The following FOXP3 variants were observed in gnomAD, a reference collection of about 807,000 sequenced individuals.
The protein encoded by FOXP3 is forkhead box protein P3.
A neutral mutation model predicts 31.2 loss-of-function variants in FOXP3; 5 were observed. That is an observed-to-expected ratio of 0.16 (90% CI 0.08 to 0.34). The LOEUF (loss-of-function observed/expected upper bound fraction) is 0.34, where lower values mean the gene tolerates loss of function less well. FOXP3 is among the 10% of genes least tolerant of loss of function. The pLI is 1.00. For missense variants in FOXP3, 251 were observed against 363.0 expected (o/e 0.69, Z 2.51); for synonymous variants, 141 against 148.8 (o/e 0.95, Z 0.38).
rs370358803 is a variant in FOXP3 at position 49,256,946 on chromosome X, G to C, written c.521C>G (p.Pro174Arg). ...TGACCTGTCCTTCCTGGGTGCACTG[G>C]GATTTGGGAAGGTGCAGAGCAGTGC... is the stretch of plus-strand genomic sequence containing the variant. ...EPALLCTFPNPSAPRKDSTLS... is the reference protein window; with the variant it reads ...EPALLCTFPNRSAPRKDSTLS... Residue 174 changes from proline (P) to arginine (R), a missense_variant, in exon 5 of 12, where the codon CCC (proline) becomes CGC (arginine). By Grantham distance (103) the Pro-to-Arg change is moderately radical (BLOSUM62 -2). Coordinates refer to ENST00000376207, the MANE Select transcript of FOXP3 (RefSeq NM_014009.4). 6.6e-6 allele frequency: 8 copies of C among 1,210,293 alleles called. No individual in the cohort carries two copies. The African/African-American group carries it at 1.2e-4, about 18-fold the overall frequency.
intron 10 of FOXP3, 179 bp from the exon 11 acceptor site, chrX:49,251,944 T>G (rs2066035647): frequency 1.3e-6 from 1 of 742,427 alleles, no homozygotes; most frequent in African/African-American, 2.4e-5. Context: ...GGGTGAAGTG[T>G]CGGGTTGGGC....
intron 1 of FOXP3, among the ~76,000 whole-genome samples, chrX:49,262,046 T>C (rs1458940073): frequency 1.8e-5 from 2 of 111,800 alleles, no homozygotes; most frequent in Non-Finnish European, 3.8e-5. Flanking sequence ...TAGGGATACA[T>C]AGAGACAAAG....
intron 1 of FOXP3, among the ~76,000 whole-genome samples, chrX:49,262,751 T>TA (rs1798558737): frequency 8.9e-6 from 1 of 111,782 alleles, no homozygotes; most frequent in Non-Finnish European, 1.9e-5. Flanking sequence ...AGTGCCTGGC[T>TA]AAAAATCACA....
chrX:49,252,682 G>A (rs1251036698), intron 10 of FOXP3, among the ~76,000 whole-genome samples: 1 of 109,458 alleles, frequency 9.1e-6, no homozygotes, highest in Non-Finnish European at 1.9e-5. Context: ...CCCAGTTGGG[G>A]GTGTATTGAC....
chrX:49,258,450 G>C lies in FOXP3; in HGVS notation c.56C>G (p.Ser19Cys). Residue 19 changes from serine (S) to cysteine (C), a missense_variant, in exon 2 of 12, where the codon TCC becomes TGC. Physicochemically the swap from Ser to Cys is moderately radical, Grantham distance 112. Coordinates refer to ENST00000376207, the MANE Select transcript of FOXP3 (RefSeq NM_014009.4). Reference sequence around the variant, plus strand: ...CCTCCAGCTGGGCGAGGCTCCTGGGGATGGGCCAAGGGCCAAGGAAGGGGC... The same window carrying C: ...CCTCCAGCTGGGCGAGGCTCCTGGGCATGGGCCAAGGGCCAAGGAAGGGGC... ...PSAPSLALGPSPGASPSWRAA... is the reference protein window; with the variant it reads ...PSAPSLALGPCPGASPSWRAA... The C allele has an allele frequency of 8.4e-7, 1 of 1,190,452 alleles. No homozygotes were observed. Among genetic ancestry groups the C allele is most frequent in the East Asian group, 3.0e-5 (1 of 33,020 alleles).
In FOXP3 at chrX:49,254,241, T is replaced by C. The variant is rs189445442; in HGVS notation, c.817-174A>G. 1.2e-3 allele frequency among the ~76,000 whole-genome samples: 134 copies of C among 111,812 alleles called. 1 individual carries two copies. The highest frequency in any genetic ancestry group is 4.0e-3 in the African/African-American group (123 of 30,773). On this transcript the variant is annotated intron_variant, in intron 8 of 11. Coordinates refer to ENST00000376207, the MANE Select transcript of FOXP3 (RefSeq NM_014009.4). ...CCACCTCCCAGATTCAAGCAAGTCT[T>C]CTGCCTCAGCCTCCCGAGTAGCTGG...
In FOXP3 at chrX:49,250,551, G is replaced by C; in HGVS notation, c.*783C>G. On this transcript the variant is annotated 3_prime_UTR_variant, in exon 12 of 12. Transcript: ENST00000376207. Reference sequence around the variant, plus strand: ...AGCTGAGGCATGGATCAGGGCTCAGGGAATGGGAGTGAGGTGAGTGGCAGG... The same window carrying C: ...AGCTGAGGCATGGATCAGGGCTCAGCGAATGGGAGTGAGGTGAGTGGCAGG... 2.3e-6 allele frequency: 1 copy of C among 430,049 alleles called. No individual in the cohort carries two copies. Among genetic ancestry groups the C allele is most frequent in the Non-Finnish European group, 4.3e-6 (1 of 234,671 alleles). 35.4% of individuals were successfully genotyped at this position (430,049 alleles called of 1,213,427 possible). A position where few individuals can be genotyped will look rare whatever the true frequency, so the allele number is the denominator to read the frequency against.
chrX:49,251,267 C>CCCCACCACCTCTGCCT lies in FOXP3; in HGVS notation c.*51_*66dup. 18 of 1,148,167 alleles carry CCCCACCACCTCTGCCT rather than the reference C, an allele frequency of 1.6e-5. No individual in the cohort carries two copies. Among genetic ancestry groups the CCCCACCACCTCTGCCT allele is most frequent in the Non-Finnish European group, 2.1e-5 (18 of 848,367 alleles). The allele number at this position is 1,148,167 out of a possible 1,213,427, so 94.6% of individuals were successfully genotyped here. On this transcript the variant is annotated 3_prime_UTR_variant, in exon 12 of 12. Coordinates refer to ENST00000376207, the MANE Select transcript of FOXP3 (RefSeq NM_014009.4). Reference sequence around the variant, plus strand: ...CACATCCAGGGCCTATCATCCCTGCCCCCACCACCTCTGCCTCCCACCAGT... The same window carrying CCCCACCACCTCTGCCT: ...CACATCCAGGGCCTATCATCCCTGCCCCCACCACCTCTGCCTCCCACCACCTCTGCCTCCCACCAGT...
intron 9 of FOXP3, 128 bp downstream of exon 9, chrX:49,253,788 CT>C (rs2066049254): frequency 1.2e-6 from 1 of 843,821 alleles, no homozygotes; most frequent in African/African-American, 2.0e-5. Context: ...TTCCCAAAGG[CT>C]GAGTGGCGGC....
chrX:49,252,914 ATGG>A (rs2066043025), intron 10 of FOXP3, among the ~76,000 whole-genome samples: 1 of 109,500 alleles, frequency 9.1e-6, no homozygotes, highest in South Asian at 4.0e-4. Context: ...TCTGGCCTGG[ATGG>A]TGGTTTAGGT....
chrX:49,256,224 G>GAA (rs1311837399), intron 6 of FOXP3, among the ~76,000 whole-genome samples: 17 of 3,958 alleles, frequency 4.3e-3, no homozygotes, highest in Admixed American at 0.04. Context: ...GAGAGAAAGA[G>GAA]AGAGAGAGAG....
chrX:49,256,466 A>G (rs1388851933), intron 6 of FOXP3, among the ~76,000 whole-genome samples: 1 of 111,104 alleles, frequency 9.0e-6, no homozygotes, highest in Non-Finnish European at 1.9e-5. Context: ...TGATCAAGAC[A>G]CTTAACCTCT....
intron 1 of FOXP3, chrX:49,259,096 T>C: frequency 3.9e-6 from 2 of 510,444 alleles, no homozygotes; most frequent in South Asian, 5.2e-5. Context: ...GAGAAGTGGG[T>C]AGATTCTGAG....
chrX:49,253,431 G>GCA (rs1174870833), intron 9 of FOXP3, among the ~76,000 whole-genome samples: 2 of 113,072 alleles, frequency 1.8e-5, no homozygotes, highest in Non-Finnish European at 3.7e-5. Context: ...GGAGTAACTT[G>GCA]CACACCAAAG....
At chrX:49,253,018 T>TA in intron 10 of FOXP3, 108 bp downstream of exon 10, 1 of 651,894 alleles carries the variant, frequency 1.5e-6, no homozygotes, top group Non-Finnish European at 2.4e-6. Flanking sequence ...GGCTTGGGAA[T>TA]GGAGGAACCC....
intron 1 of FOXP3, among the ~76,000 whole-genome samples, chrX:49,261,735 C>T (rs1178314364): frequency 8.9e-6 from 1 of 112,127 alleles, no homozygotes; most frequent in Non-Finnish European, 1.9e-5. Flanking sequence ...GGAATGGTAG[C>T]CCAGGTTCCC....
chrX:49,263,373 G>C (rs142505322), intron 1 of FOXP3, among the ~76,000 whole-genome samples: 17 of 111,833 alleles, frequency 1.5e-4, no homozygotes, highest in African/African-American at 5.5e-4. Flanking sequence ...TTAGCAGAGA[G>C]GGTCATAAAC....
intron 4 of FOXP3, 46 bp downstream of exon 4, chrX:49,257,381 G>A (rs2066080543): frequency 2.7e-6 from 3 of 1,129,237 alleles, no homozygotes; most frequent in East Asian, 3.0e-5. Context: ...AGGATCTGGG[G>A]ACTTGGGGGT....
At chrX:49,253,797 G>A (rs2066049337) in intron 9 of FOXP3, 120 bp downstream of exon 9, 3 of 886,173 alleles carry the variant, frequency 3.4e-6, no homozygotes, top group South Asian at 2.2e-5. Context: ...GCTGAGTGGC[G>A]GCAGCTGCAG....
Sources: allele counts gnomAD v4.1 joint callset (sites outside exome capture counted in the v4.1 genomes callset), GRCh38; gene constraint gnomAD v4.1.1; transcripts MANE v1.5; gene names NCBI Gene and HGNC (gene_info 2026-07-23, HGNC 2026-07-21).